Variants in GADL1 observed in about 807,000 individuals in gnomAD.
GADL1 encodes acidic amino acid decarboxylase GADL1.
Under a neutral mutation model 69.5 loss-of-function variants are expected in GADL1, and 71 were observed. The observed-to-expected ratio is 1.02, with a 90% CI of 0.84 to 1.25. GADL1 has a LOEUF of 1.25. Among genes scored for constraint, GADL1 ranks in the 50% most tolerant of loss-of-function variants. The probability of loss-of-function intolerance (pLI) is 0.00; values close to 1 mark genes in which losing one functional copy is unlikely to be tolerated. For missense variants in GADL1, 737 were observed against 631.8 expected (o/e 1.17, Z -1.79); for synonymous variants, 254 against 214.4 (o/e 1.18, Z -1.62).
In GADL1 at chr3:30,762,373, T is replaced by A. The variant is rs1696158453; in HGVS notation, c.1392+15806A>T. Among the ~76,000 whole-genome samples the A allele has an allele frequency of 2.0e-5, 3 of 152,172 alleles. No individual in the cohort carries two copies. The South Asian group carries it at 6.2e-4, about 31-fold the overall frequency. On this transcript the variant is annotated intron_variant, in intron 14 of 14. Coordinates refer to ENST00000282538, the MANE Select transcript of GADL1 (RefSeq NM_207359.3). Reference sequence around the variant, plus strand: ...TCGAAGACTGAAGTTTTCATGCGATTTTTGAATTGTCAAGCATGAAAAAAT... The same window carrying A: ...TCGAAGACTGAAGTTTTCATGCGATATTTGAATTGTCAAGCATGAAAAAAT...
At chr3:30,894,505 G>A in intron 1 of GADL1, 73 bp downstream of exon 1, 1 of 1,263,262 alleles carries the variant, frequency 7.9e-7, no homozygotes, top group Non-Finnish European at 1.1e-6. Context: ...TAGTCCCCAG[G>A]TCAAAAATAA....
intron 11 of GADL1, among the ~76,000 whole-genome samples, chr3:30,809,246 T>C (rs891220291): frequency 6.6e-6 from 1 of 152,262 alleles, no homozygotes; most frequent in African/African-American, 2.4e-5. Flanking sequence ...ATTTAGTTAG[T>C]TCATTTTCTT....
intron 4 of GADL1, 91 bp from the exon 5 acceptor site, chr3:30,851,032 A>G (rs922715261): frequency 1.1e-5 from 8 of 725,300 alleles, no homozygotes; most frequent in Middle Eastern, 2.4e-4. Flanking sequence ...CTATTAAACC[A>G]AGTGGCTGCT....
chr3:30,811,414 C>T (rs1401208726), intron 11 of GADL1, among the ~76,000 whole-genome samples: 2 of 152,150 alleles, frequency 1.3e-5, no homozygotes, highest in Admixed American at 6.5e-5. Flanking sequence ...GCCCTACAAG[C>T]ATTTAAAAAT....
At chr3:30,786,452 G>T in intron 12 of GADL1, 46 bp from the exon 13 acceptor site, 2 of 1,006,410 alleles carry the variant, frequency 2.0e-6, no homozygotes, top group South Asian at 1.3e-5. Flanking sequence ...CAATGTAAAA[G>T]TGTCATGAAC....
intron 1 of GADL1, among the ~76,000 whole-genome samples, chr3:30,869,268 C>T (rs569028361): frequency 6.6e-6 from 1 of 151,886 alleles, no homozygotes; most frequent in East Asian, 1.9e-4. Context: ...GTACATCAGC[C>T]TCATAGATTG....
chr3:30,890,406 G>C (rs929315233), intron 1 of GADL1, among the ~76,000 whole-genome samples: 1 of 152,100 alleles, frequency 6.6e-6, no homozygotes, highest in Non-Finnish European at 1.5e-5. Flanking sequence ...AGAATTACAA[G>C]CATGTAAAAA....
intron 11 of GADL1, among the ~76,000 whole-genome samples, chr3:30,815,686 T>G (rs1697454005): frequency 6.6e-6 from 1 of 152,228 alleles, no homozygotes; most frequent in Non-Finnish European, 1.5e-5. Context: ...AGCAAAATCA[T>G]CAGCATTACT....
intron 11 of GADL1, among the ~76,000 whole-genome samples, chr3:30,823,859 A>G (rs1697634711): frequency 6.6e-6 from 1 of 152,110 alleles, no homozygotes; most frequent in Non-Finnish European, 1.5e-5. Flanking sequence ...ATAACTTGAG[A>G]TGGCTTTCGC....
intron 8 of GADL1, 86 bp from the exon 9 acceptor site, chr3:30,839,199 A>G: frequency 1.2e-6 from 1 of 815,812 alleles, no homozygotes; most frequent in Non-Finnish European, 1.8e-6. Context: ...AGGGTTATGC[A>G]TCCAGAGAGT....
intron 12 of GADL1, among the ~76,000 whole-genome samples, chr3:30,791,037 G>C (rs796719422): frequency 6.6e-6 from 1 of 151,598 alleles, no homozygotes; most frequent in Non-Finnish European, 1.5e-5. Context: ...TATATACAAA[G>C]TATGGAAGGA....
intron 1 of GADL1, among the ~76,000 whole-genome samples, chr3:30,865,812 T>C (rs1443905258): frequency 6.6e-6 from 1 of 152,024 alleles, no homozygotes; most frequent in Non-Finnish European, 1.5e-5. Context: ...ATTTGACTTC[T>C]AGAAGTCAGC....
intron 1 of GADL1, among the ~76,000 whole-genome samples, chr3:30,875,790 G>A (rs2047178): frequency 0.16 from 24,274 of 151,806 alleles, 2,349 homozygotes; most frequent in Admixed American, 0.3. Flanking sequence ...ATGCCGTGAT[G>A]GGTAGATACA....
At chr3:30,792,561 A>G (rs755306670) in intron 12 of GADL1, among the ~76,000 whole-genome samples, 8 of 152,274 alleles carry the variant, frequency 5.3e-5, no homozygotes, top group Middle Eastern at 3.4e-3. Flanking sequence ...TAGGTGACAG[A>G]GCAAGATCTT....
intron 14 of GADL1, among the ~76,000 whole-genome samples, chr3:30,739,339 A>G (rs1695582867): frequency 2.0e-5 from 3 of 151,914 alleles, no homozygotes; most frequent in Non-Finnish European, 4.4e-5. Context: ...TCCTGTGCCC[A>G]TCCTCCTGTG....
At position 30,727,131 on chromosome 3, in the gene GADL1, A is replaced by G. The variant is rs1005145125; in HGVS notation, c.*1111T>C. ...CACACATATGTATGTGTGTGTATAT[A>G]TATACATATATATGTATATATGTAT... On this transcript the variant is annotated 3_prime_UTR_variant, in exon 15 of 15. Transcript: ENST00000282538. 8.6e-5 allele frequency: 13 copies of G among 150,592 alleles called. No homozygotes were observed. The highest frequency in any genetic ancestry group is 2.9e-4 in the African/African-American group (12 of 40,980). 9.3% of individuals were successfully genotyped at this position (150,592 alleles called of 1,614,324 possible). A position where few individuals can be genotyped will look rare whatever the true frequency, so the allele number is the denominator to read the frequency against.
chr3:30,793,343 T>C (rs975174244), intron 12 of GADL1, among the ~76,000 whole-genome samples: 1 of 152,072 alleles, frequency 6.6e-6, no homozygotes, highest in African/African-American at 2.4e-5. Context: ...CTCGTAACTT[T>C]TTTTTCAATA....
In GADL1 at chr3:30,745,831, C is replaced by T. The variant is rs548750038; in HGVS notation, c.1393-17416G>A. The stretch of plus-strand genomic sequence containing the variant: ...CCAATACATTCTCTGCCTGATTTAA[C>T]GTTTAAAATTTATCTTCCTAGGCCT... On this transcript the variant is annotated intron_variant, in intron 14 of 14. Transcript: ENST00000282538. Among the ~76,000 whole-genome samples, 19 of 152,200 alleles carry T rather than the reference C, an allele frequency of 1.2e-4. 1 individual carries two copies. The South Asian group carries it at 2.3e-3, about 18-fold the overall frequency.
chr3:30,765,000 C>G (rs1698949), intron 14 of GADL1, among the ~76,000 whole-genome samples: 66,519 of 151,480 alleles, frequency 0.44, 14,608 homozygotes, highest in African/African-American at 0.46. Flanking sequence ...TCTGACAATG[C>G]AGGTTTAGCC....
Sources: gnomAD v4.1 joint callset for allele counts (sites outside exome capture counted in the v4.1 genomes callset) on GRCh38, gnomAD v4.1.1 for gene constraint, MANE v1.5 for transcripts, NCBI Gene and HGNC (gene_info 2026-07-23, HGNC 2026-07-21) for gene names.